The following RNF20 variants were observed in gnomAD, a reference collection of about 807,000 sequenced individuals.
RNF20 encodes E3 ubiquitin-protein ligase BRE1A.
A neutral mutation model predicts 126.2 loss-of-function variants in RNF20; 84 were observed. That is an observed-to-expected ratio of 0.67 (90% CI 0.56 to 0.80). The LOEUF is 0.80. Among genes scored for constraint, RNF20 ranks in the 30% least tolerant of loss-of-function variants. The pLI, the probability that RNF20 is intolerant of heterozygous loss-of-function variation, is 0.00. For missense variants in RNF20, 869 were observed against 1,188.2 expected, an observed-to-expected ratio of 0.73 and a Z score of 3.95; for synonymous variants, 400 against 414.3, an observed-to-expected ratio of 0.97 and a Z score of 0.42.
chr9:101,551,846 A>G lies in RNF20; in HGVS notation c.1408+27A>G, dbSNP rs370916591. On this transcript the variant is annotated intron_variant, in intron 11 of 19. Transcript: ENST00000389120. The stretch of plus-strand genomic sequence containing the variant: ...TATAATGATTCTCACTCCATGCTGT[A>G]GTTTGCTCTTAATACCTTCCTTGAA... The G allele has an allele frequency of 2.7e-4, 424 of 1,586,028 alleles. 3 individuals carry two copies. The African/African-American group carries it at 5.2e-3, about 20-fold the overall frequency.
At chr9:101,538,724 T>A (rs1827220094) in intron 2 of RNF20, among the ~76,000 whole-genome samples, 1 of 152,214 alleles carries the variant, frequency 6.6e-6, no homozygotes, top group Non-Finnish European at 1.5e-5. Context: ...TACTTTGGCA[T>A]ATTAGGAATG....
At chr9:101,542,039 A>C (rs1434621987) in intron 5 of RNF20, among the ~76,000 whole-genome samples, 1 of 152,222 alleles carries the variant, frequency 6.6e-6, no homozygotes, top group Non-Finnish European at 1.5e-5. Context: ...TTCCCTGCTT[A>C]TCATTAAGAT....
chr9:101,547,659 T>A (rs1827374077), intron 9 of RNF20, 141 bp downstream of exon 9: 2 of 1,024,742 alleles, frequency 2.0e-6, no homozygotes, highest in East Asian at 5.3e-5. Context: ...ATAAAACTCT[T>A]AACAAATTAG....
At position 101,557,375 on chromosome 9, in the gene RNF20, A is replaced by G. The variant is rs750136911; in HGVS notation, c.2170-9A>G. 2 of 1,601,428 alleles carry G rather than the reference A, an allele frequency of 1.2e-6. No homozygotes were observed. The highest frequency in any genetic ancestry group is 1.7e-6 in the Non-Finnish European group (2 of 1,168,948). ...CTTCTAAAATCAAATCTCTTCCTTC[A>G]TCCTTTAGGAAGAAGAAGCACTCCT... On this transcript the variant is annotated splice_polypyrimidine_tract_variant and intron_variant, in intron 15 of 19. Transcript: ENST00000389120.
At chr9:101,562,216 T>G (rs775364314) in intron 19 of RNF20, 30 bp from the exon 20 acceptor site, 1 of 1,598,706 alleles carries the variant, frequency 6.3e-7, no homozygotes, top group Non-Finnish European at 8.5e-7. Flanking sequence ...CTTTCATGGT[T>G]GTTCAAACTC....
intron 13 of RNF20, 70 bp downstream of exon 13, chr9:101,552,823 TG>T: frequency 7.1e-7 from 1 of 1,401,676 alleles, no homozygotes; most frequent in Non-Finnish European, 9.7e-7. Context: ...ATGAAATGTT[TG>T]GTTGATGGCA....
intron 14 of RNF20, 42 bp from the exon 15 acceptor site, chr9:101,554,652 G>A (rs759297526): frequency 1.3e-6 from 2 of 1,572,016 alleles, no homozygotes; most frequent in Admixed American, 3.5e-5. Context: ...TTGAAAATGT[G>A]TTATAACTTT....
chr9:101,539,754 A>G (rs1215511413), intron 2 of RNF20, among the ~76,000 whole-genome samples: 1 of 152,166 alleles, frequency 6.6e-6, no homozygotes, highest in Non-Finnish European at 1.5e-5. Flanking sequence ...GACAGCCTAG[A>G]TGCTAGAGGA....
chr9:101,560,133 C>G (rs1440157645), intron 16 of RNF20, among the ~76,000 whole-genome samples: 1 of 152,110 alleles, frequency 6.6e-6, no homozygotes, highest in Non-Finnish European at 1.5e-5. Context: ...TTGTCAAATG[C>G]TTTTTCTGCA....
chr9:101,541,974 AT>A (rs1172260522), intron 5 of RNF20, among the ~76,000 whole-genome samples: 4 of 152,202 alleles, frequency 2.6e-5, no homozygotes, highest in African/African-American at 4.8e-5. Flanking sequence ...TGCAAAAAAA[AT>A]GCCTTGATTT....
intron 17 of RNF20, 58 bp downstream of exon 17, chr9:101,560,984 G>A: frequency 6.3e-7 from 1 of 1,599,396 alleles, no homozygotes; most frequent in South Asian, 1.1e-5. Flanking sequence ...GTATAACACT[G>A]TTGAGATTGT....
At chr9:101,536,085 AAC>A (rs1385473513) in intron 2 of RNF20, among the ~76,000 whole-genome samples, 1 of 152,230 alleles carries the variant, frequency 6.6e-6, no homozygotes, top group African/African-American at 2.4e-5. Flanking sequence ...GTTAAGGGCT[AAC>A]ACTTTGCATT....
chr9:101,561,886 A>G (rs779737300), intron 18 of RNF20, 24 bp from the exon 19 acceptor site: 38 of 1,490,370 alleles, frequency 2.5e-5, no homozygotes, highest in Non-Finnish European at 3.5e-5. Flanking sequence ...AAGTGTGTCT[A>G]ATGGGTATGC....
chr9:101,554,619 C>A (rs1188963151), intron 14 of RNF20, 75 bp from the exon 15 acceptor site: 10 of 1,295,578 alleles, frequency 7.7e-6, no homozygotes, highest in South Asian at 1.4e-5. Context: ...AACCTTCTAT[C>A]TTTGCACAGT....
At chr9:101,543,632 C>T (rs1827298651) in intron 5 of RNF20, among the ~76,000 whole-genome samples, 1 of 152,272 alleles carries the variant, frequency 6.6e-6, no homozygotes, top group South Asian at 2.1e-4. Flanking sequence ...CCTGCCAGGG[C>T]AGTACTGTCT....
At chr9:101,555,069 T>A (rs2118727255) in intron 15 of RNF20, among the ~76,000 whole-genome samples, 1 of 152,268 alleles carries the variant, frequency 6.6e-6, no homozygotes, top group Non-Finnish European at 1.5e-5. Flanking sequence ...TAAATGGACA[T>A]TTATTGAAGA....
intron 7 of RNF20, 76 bp downstream of exon 7, chr9:101,547,042 G>A: frequency 6.2e-7 from 1 of 1,603,292 alleles, no homozygotes; most frequent in Non-Finnish European, 8.5e-7. Flanking sequence ...TTGGGGCATG[G>A]TATTTGAGGA....
Position 101,557,554 on chromosome 9 carries a change from G to A in RNF20, c.2340G>A (p.Glu780=). 1 of 1,614,038 alleles carries A rather than the reference G, an allele frequency of 6.2e-7. No homozygotes were observed. The highest frequency in any genetic ancestry group is 1.1e-5 in the South Asian group (1 of 91,078). Residue 780 remains glutamate, a synonymous_variant, in exon 16 of 20, where the codon GAG becomes GAA. Transcript: ENST00000389120. ...AGATCCATAAGTTGCTTAAAGAAGAGAAGGAGGAGCTGGCAGACCAGGTGT... is the reference window on the plus strand; with the variant it reads ...AGATCCATAAGTTGCTTAAAGAAGAAAAGGAGGAGCTGGCAGACCAGGTGT... The part of the protein sequence containing the change: ...SNQIHKLLKE[E]KEELADQVLT...
chr9:101,557,714 C>T, intron 16 of RNF20, 118 bp downstream of exon 16: 1 of 701,182 alleles, frequency 1.4e-6, no homozygotes, highest in South Asian at 1.9e-5. Flanking sequence ...AATTTGAAAA[C>T]TAAATGTTCA....
Sources: allele counts gnomAD v4.1 joint callset (sites outside exome capture counted in the v4.1 genomes callset), GRCh38; gene constraint gnomAD v4.1.1; transcripts MANE v1.5; gene names NCBI Gene and HGNC (gene_info 2026-07-23, HGNC 2026-07-21).